The following EP300 variants were observed in gnomAD, a reference collection of about 807,000 sequenced individuals.
The protein encoded by EP300 is histone acetyltransferase p300.
EP300 carries 31 observed loss-of-function variants against 264.0 expected under a neutral mutation model. That is an observed-to-expected ratio of 0.12 (90% CI 0.09 to 0.16). The LOEUF is 0.16. Among genes scored for constraint, EP300 ranks in the 10% least tolerant of loss-of-function variants. The pLI is 1.00. For synonymous variants in EP300, 1,340 were observed against 1,045.4 expected (o/e 1.28, Z -5.44); for missense variants, 2,766 against 3,052.9 (o/e 0.91, Z 2.21).
intron 20 of EP300, among the ~76,000 whole-genome samples, chr22:41,161,388 C>A (rs1036473378): frequency 6.6e-6 from 1 of 152,082 alleles, no homozygotes; most frequent in Admixed American, 6.6e-5. Context: ...GAGGCCAAGG[C>A]GGGCGGATCA....
At chr22:41,106,867 A>G (rs1019842517) in intron 1 of EP300, among the ~76,000 whole-genome samples, 1 of 152,124 alleles carries the variant, frequency 6.6e-6, no homozygotes, top group Non-Finnish European at 1.5e-5. Context: ...TGCCATGATT[A>G]CAGTTGTGAG....
rs773817159 is a variant in EP300, at chr22:41,152,202, T to A, written c.2998-4T>A. On this transcript the variant is annotated splice_polypyrimidine_tract_variant and splice_region_variant and intron_variant, in intron 15 of 30. Coordinates refer to ENST00000263253, the MANE Select transcript of EP300 (RefSeq NM_001429.4). ...ATACTAAAAATTCTTACGTTTTCTT[T>A]TAGTCTAAAGTGGAAGACTGTAAAA... 1 of 1,614,056 alleles carries A rather than the reference T, an allele frequency of 6.2e-7. No individual in the cohort carries two copies. The highest frequency in any genetic ancestry group is 1.1e-5 in the South Asian group (1 of 91,076).
intron 10 of EP300, among the ~76,000 whole-genome samples, chr22:41,142,983 T>G (rs949157578): frequency 3.3e-5 from 5 of 152,186 alleles, no homozygotes; most frequent in Admixed American, 2.6e-4. Context: ...GTCTGTGAGA[T>G]ATTAAATTGT....
intron 22 of EP300, among the ~76,000 whole-genome samples, chr22:41,165,520 T>C (rs889567139): frequency 6.6e-6 from 1 of 152,018 alleles, no homozygotes; most frequent in African/African-American, 2.4e-5. Flanking sequence ...GCCTCCCAGG[T>C]TCAAGTGATT....
chr22:41,148,781 G>A, intron 12 of EP300: 1 of 535,900 alleles, frequency 1.9e-6, no homozygotes, highest in Non-Finnish European at 3.3e-6. Flanking sequence ...TGTACCAAGA[G>A]AATGTGTGTT....
At position 41,179,898 on chromosome 22, in the gene EP300, A is replaced by C. The variant is rs754018515; in HGVS notation, c.*942A>C. On this transcript the variant is annotated 3_prime_UTR_variant, in exon 31 of 31. Transcript: ENST00000263253. ...CCCCCACTCACACACACACACACAC[A>C]CACACACACACACACACACACACAC... 2.3e-3 allele frequency: 443 copies of C among 191,052 alleles called. 11 individuals carry two copies. The highest frequency in any genetic ancestry group is 3.0e-3 in the Non-Finnish European group (281 of 94,384). 11.8% of individuals were successfully genotyped at this position (191,052 alleles called of 1,614,324 possible).
Position 41,178,281 on chromosome 22 carries a change from A to G in EP300, c.6570A>G (p.Gln2190=), listed in dbSNP as rs772427602. 9 of 1,613,556 alleles carry G rather than the reference A, an allele frequency of 5.6e-6. No homozygotes were observed. Among genetic ancestry groups the G allele is most frequent in the Admixed American group, 3.3e-5 (2 of 60,018 alleles). ...RDILRRQQMM[Q]QQQQQGAGPG... The stretch of plus-strand genomic sequence containing the variant: ...TCTTGAGACGACAGCAAATGATGCA[A>G]CAGCAGCAGCAACAGGGAGCAGGGC... Residue 2190 remains glutamine, a synonymous_variant, in exon 31 of 31, where the codon CAA becomes CAG. Transcript: ENST00000263253.
chr22:41,171,157 G>C (rs1307796325), intron 27 of EP300, among the ~76,000 whole-genome samples: 1 of 151,372 alleles, frequency 6.6e-6, no homozygotes, highest in Non-Finnish European at 1.5e-5. Flanking sequence ...TTTATTTTTG[G>C]GGGGAGGGTG....
intron 2 of EP300, among the ~76,000 whole-genome samples, chr22:41,125,408 G>T (rs1263248767): frequency 6.6e-6 from 1 of 150,964 alleles, no homozygotes; most frequent in Non-Finnish European, 1.5e-5. Context: ...GTGAGCCACT[G>T]CGCCCGGCTG....
chr22:41,116,156 T>A (rs1343193518), intron 1 of EP300, among the ~76,000 whole-genome samples: 2 of 152,196 alleles, frequency 1.3e-5, no homozygotes, highest in Admixed American at 6.5e-5. Context: ...ACTTTTTTTT[T>A]AACAAAAAAT....
At chr22:41,143,734 C>T (rs1421815113) in intron 10 of EP300, among the ~76,000 whole-genome samples, 1 of 152,114 alleles carries the variant, frequency 6.6e-6, no homozygotes, top group Non-Finnish European at 1.5e-5. Context: ...CATCACCACA[C>T]CTAACTAATG....
intron 10 of EP300, 65 bp from the exon 11 acceptor site, chr22:41,146,674 C>A: frequency 7.4e-7 from 1 of 1,350,372 alleles, no homozygotes; most frequent in Non-Finnish European, 1.1e-6. Flanking sequence ...TTTGTGTGTG[C>A]AGTGAGTTTT....
At chr22:41,158,048 G>GT (rs1420863746) in intron 18 of EP300, among the ~76,000 whole-genome samples, 2 of 152,168 alleles carry the variant, frequency 1.3e-5, no homozygotes, top group East Asian at 1.9e-4. Context: ...CACATTATTG[G>GT]TTTTTTGTTT....
At chr22:41,163,829 G>T (rs1199174688) in intron 21 of EP300, among the ~76,000 whole-genome samples, 2 of 152,142 alleles carry the variant, frequency 1.3e-5, no homozygotes, top group East Asian at 3.8e-4. Context: ...CAGGAAAATG[G>T]CTTGAGCCCA....
intron 2 of EP300, among the ~76,000 whole-genome samples, chr22:41,124,120 C>T (rs1183873827): frequency 6.6e-6 from 1 of 152,348 alleles, no homozygotes; most frequent in Middle Eastern, 3.4e-3. Context: ...TGGCGGCGCA[C>T]GCCTGTAGTC....
chr22:41,140,240 G>C lies in EP300; in HGVS notation c.1861G>C (p.Glu621Gln), dbSNP rs778829658. The change falls in exon 9 of 31, where the codon GAA (glutamate) becomes CAA (glutamine). Residue 621 changes from glutamate (E) to glutamine (Q), a missense_variant. Physicochemically the swap from Glu to Gln is conservative, Grantham distance 29. Transcript: ENST00000263253. ...TCGGAAAGTTGAAGGGGACATGTAT[G>C]AATCTGCAAACAATCGAGTGAGTGT... is the stretch of plus-strand genomic sequence containing the variant. ...YARKVEGDMYESANNRAEYYH... is the reference protein window; with the variant it reads ...YARKVEGDMYQSANNRAEYYH... The C allele has an allele frequency of 6.2e-7, 1 of 1,610,180 alleles. No individual in the cohort carries two copies. Among genetic ancestry groups the C allele is most frequent in the Non-Finnish European group, 8.5e-7 (1 of 1,176,384 alleles).
chr22:41,173,588 CCTT>C (rs766901110), intron 28 of EP300, 32 bp from the exon 29 acceptor site: 39 of 1,610,944 alleles, frequency 2.4e-5, no homozygotes, highest in Non-Finnish European at 3.1e-5. Flanking sequence ...TTAACAAAAA[CCTT>C]ATTTTCTTGT....
chr22:41,168,258 G>A (rs1328568567), intron 23 of EP300, 191 bp from the exon 24 acceptor site: 20 of 615,114 alleles, frequency 3.3e-5, no homozygotes, highest in South Asian at 3.0e-4. Context: ...ATGATATGAA[G>A]ATTAGCATGT....
At chr22:41,140,017 A>G in intron 8 of EP300, 123 bp from the exon 9 acceptor site, 2 of 735,184 alleles carry the variant, frequency 2.7e-6, no homozygotes, top group Admixed American at 4.3e-5. Context: ...TCATTTCAGT[A>G]AGTAATATAT....
Sources: allele counts gnomAD v4.1 joint callset (sites outside exome capture counted in the v4.1 genomes callset), GRCh38; gene constraint gnomAD v4.1.1; transcripts MANE v1.5; gene names NCBI Gene and HGNC (gene_info 2026-07-23, HGNC 2026-07-21).